RBM20: variants seen among roughly 807,000 people sequenced by gnomAD.
RBM20 encodes the protein RNA-binding protein 20.
Under a neutral mutation model 110.1 loss-of-function variants are expected in RBM20, and 51 were observed. The observed-to-expected ratio is 0.46, with a 90% confidence interval of 0.37 to 0.59. The LOEUF is 0.59. Among genes scored for constraint, RBM20 ranks in the 20% least tolerant of loss-of-function variants. The probability of loss-of-function intolerance (pLI) is 0.00; values close to 1 mark genes in which losing one functional copy is unlikely to be tolerated. For missense variants in RBM20, 1,512 were observed against 1,574.9 expected (o/e 0.96, Z 0.68); for synonymous variants, 589 against 618.2 (o/e 0.95, Z 0.70).
chr10:110,808,580 A>G (rs1455360560), intron 7 of RBM20, among the ~76,000 whole-genome samples: 1 of 152,152 alleles, frequency 6.6e-6, no homozygotes, highest in Non-Finnish European at 1.5e-5. Flanking sequence ...CCTCTGACTT[A>G]TTCACAAGCA....
rs915558030 is a variant in RBM20 at position 110,787,516 on chromosome 10, A to G, written c.1527+2627A>G. Reference sequence around the variant, plus strand: ...CATAGGATTTTGTCCGAGTCTTGGTATCAGTGTTCCCCTTACACAAATCTG... The same window carrying G: ...CATAGGATTTTGTCCGAGTCTTGGTGTCAGTGTTCCCCTTACACAAATCTG... On this transcript the variant is annotated intron_variant, in intron 5 of 13. Coordinates refer to ENST00000369519, the MANE Select transcript of RBM20 (RefSeq NM_001134363.3). 2.0e-5 allele frequency among the ~76,000 whole-genome samples: 3 copies of G among 152,348 alleles called. No homozygotes were observed. In the East Asian group the frequency reaches 5.8e-4, roughly 29 times the overall value.
intron 1 of RBM20, among the ~76,000 whole-genome samples, chr10:110,777,410 G>A (rs999545327): frequency 1.2e-4 from 19 of 152,226 alleles, no homozygotes; most frequent in Non-Finnish European, 2.4e-4. Flanking sequence ...AAGAATTTTA[G>A]GGCTTTAAAA....
chr10:110,817,967 G>T (rs1057326900), intron 9 of RBM20, among the ~76,000 whole-genome samples: 1 of 152,182 alleles, frequency 6.6e-6, no homozygotes, highest in Non-Finnish European at 1.5e-5. Context: ...GGAAGCAAAT[G>T]AAGTATTTAA....
intron 1 of RBM20, among the ~76,000 whole-genome samples, chr10:110,763,689 C>G (rs186623135): frequency 4.1e-5 from 6 of 145,642 alleles, no homozygotes; most frequent in Admixed American, 4.1e-4. Context: ...TCTAAGTAAT[C>G]AAACTCTGAA....
chr10:110,679,022 A>G (rs531843236), intron 1 of RBM20, among the ~76,000 whole-genome samples: 7 of 152,316 alleles, frequency 4.6e-5, no homozygotes, highest in East Asian at 1.9e-4. Context: ...CTGAGGAGCC[A>G]TGGAGACCTG....
intron 1 of RBM20, among the ~76,000 whole-genome samples, chr10:110,709,518 C>T (rs1229348365): frequency 6.6e-6 from 1 of 151,688 alleles, no homozygotes; most frequent in Non-Finnish European, 1.5e-5. Context: ...TCACTAAAGG[C>T]CCTGGCACAT....
chr10:110,720,535 T>C (rs1843492886), intron 1 of RBM20, among the ~76,000 whole-genome samples: 1 of 152,192 alleles, frequency 6.6e-6, no homozygotes, highest in African/African-American at 2.4e-5. Flanking sequence ...GCAGATCCTC[T>C]CAGCTCTACC....
intron 1 of RBM20, among the ~76,000 whole-genome samples, chr10:110,665,585 T>C (rs1369240753): frequency 2.0e-5 from 3 of 151,968 alleles, no homozygotes; most frequent in Non-Finnish European, 4.4e-5. Flanking sequence ...CAAAATGTAG[T>C]ATATAATTCT....
intron 1 of RBM20, among the ~76,000 whole-genome samples, chr10:110,767,982 C>G (rs1844129913): frequency 6.6e-6 from 1 of 152,272 alleles, no homozygotes; most frequent in Non-Finnish European, 1.5e-5. Flanking sequence ...AATCCCTGCA[C>G]CTCGGTAGGC....
intron 1 of RBM20, among the ~76,000 whole-genome samples, chr10:110,751,899 T>A (rs1332610861): frequency 6.6e-6 from 1 of 152,154 alleles, no homozygotes; most frequent in Non-Finnish European, 1.5e-5. Flanking sequence ...CTGTTTTTTT[T>A]AGAGCAGGTT....
rs1844781627 is a variant in RBM20, at chr10:110,812,442, C to G, written c.2045C>G (p.Ala682Gly). 3.2e-6 allele frequency: 5 copies of G among 1,551,570 alleles called. No individual in the cohort carries two copies. The Admixed American group carries it at 7.8e-5, about 24-fold the overall frequency. Residue 682 changes from alanine to glycine, a missense_variant, in exon 9 of 14, where the codon GCC becomes GGC. Ala to Gly is a moderately conservative substitution (Grantham distance 60, BLOSUM62 0). Transcript: ENST00000369519. ...GACTCCTGGGAGCACTCTCCCTATG[C>G]CAGGAGGGAGGAAGAGCGAGACCCG... is the stretch of plus-strand genomic sequence containing the variant. ...GRDSWEHSPYARREEERDPAP... is the reference protein window; with the variant it reads ...GRDSWEHSPYGRREEERDPAP...
chr10:110,826,583 C>T (rs1216443476), intron 12 of RBM20, among the ~76,000 whole-genome samples: 4 of 140,926 alleles, frequency 2.8e-5, no homozygotes, highest in Non-Finnish European at 1.6e-5. Context: ...CATTCTTCTT[C>T]TTTTTTTTTT....
chr10:110,687,438 C>T lies in RBM20; in HGVS notation c.191+42793C>T, dbSNP rs552233557. ...GATTTTACGCATTATTAGAGAGAAG[C>T]ATAGTTACACCCAATTAAATATAGA... is the stretch of plus-strand genomic sequence containing the variant. On this transcript the variant is annotated intron_variant, in intron 1 of 13. Coordinates refer to ENST00000369519, the MANE Select transcript of RBM20 (RefSeq NM_001134363.3). 7.2e-5 allele frequency among the ~76,000 whole-genome samples: 11 copies of T among 152,320 alleles called. 1 individual carries two copies. The South Asian group carries it at 2.3e-3, about 32-fold the overall frequency.
intron 1 of RBM20, 47 bp from the exon 2 acceptor site, chr10:110,780,754 C>A (rs924003900): frequency 6.8e-7 from 1 of 1,468,140 alleles, no homozygotes; most frequent in Non-Finnish European, 9.0e-7. Context: ...CCCCTTGCCC[C>A]CCTCATTGAA....
chr10:110,647,439 G>T (rs1480302220), intron 1 of RBM20, among the ~76,000 whole-genome samples: 1 of 152,128 alleles, frequency 6.6e-6, no homozygotes, highest in African/African-American at 2.4e-5. Flanking sequence ...TATCAGCCAT[G>T]TATAGACACA....
intron 1 of RBM20, among the ~76,000 whole-genome samples, chr10:110,780,376 T>C (rs538949665): frequency 3.9e-4 from 59 of 152,344 alleles, no homozygotes; most frequent in African/African-American, 1.1e-3. Flanking sequence ...TTTTGATTTA[T>C]ATAATTGAAT....
chr10:110,741,597 C>T (rs546290429), intron 1 of RBM20, among the ~76,000 whole-genome samples: 67 of 152,276 alleles, frequency 4.4e-4, no homozygotes, highest in East Asian at 5.8e-4. Flanking sequence ...AAATTTTCCC[C>T]GAATCTCTAT....
chr10:110,745,020 ATC>A (rs1843763014), intron 1 of RBM20, among the ~76,000 whole-genome samples: 1 of 152,198 alleles, frequency 6.6e-6, no homozygotes, highest in Non-Finnish European at 1.5e-5. Context: ...GGGTGCTGGC[ATC>A]TTTCTTATGC....
In RBM20 at chr10:110,644,608, C is replaced by T; in HGVS notation, c.154C>T (p.Pro52Ser). The T allele has an allele frequency of 6.6e-7, 1 of 1,519,450 alleles. No individual in the cohort carries two copies. Among genetic ancestry groups the T allele is most frequent in the Non-Finnish European group, 8.8e-7 (1 of 1,137,254 alleles). The allele number at this position is 1,519,450 out of a possible 1,614,324, so 94.1% of individuals were successfully genotyped here. A position where few individuals can be genotyped will look rare whatever the true frequency, so the allele number is the denominator to read the frequency against. Residue 52 changes from proline to serine, a missense_variant, in exon 1 of 14, where the codon CCC becomes TCC. By Grantham distance (74) the Pro-to-Ser change is moderately conservative. Coordinates refer to ENST00000369519, the MANE Select transcript of RBM20 (RefSeq NM_001134363.3). This position sits in a 1 kb window ranked among gnomAD's most constrained non-coding sequence, Gnocchi z 4.3. ...GCCGCCGCCGCCGCCCCAGCCACCGCCCCCGCCCCAAGCCGGCCTACCCCA... is the reference window on the plus strand; with the variant it reads ...GCCGCCGCCGCCGCCCCAGCCACCGTCCCCGCCCCAAGCCGGCCTACCCCA... ...QQPPPPPQPP[P>S]PPQAGLPQII...
Sources: gnomAD v4.1 joint callset for allele counts (sites outside exome capture counted in the v4.1 genomes callset) on GRCh38, gnomAD v4.1.1 for gene constraint, Gnocchi (gnomAD v3.1) non-coding constraint, MANE v1.5 for transcripts, NCBI Gene and HGNC (gene_info 2026-07-23, HGNC 2026-07-21) for gene names.